The following ZNF600 variants were observed in gnomAD, a reference collection of about 807,000 sequenced individuals.
The protein encoded by ZNF600 is zinc finger protein KR-ZNF1.
Under a neutral mutation model 7.3 loss-of-function variants are expected in ZNF600, and 4 were observed. The observed-to-expected ratio is 0.55, with a 90% CI of 0.27 to 1.25. ZNF600 has a LOEUF of 1.25. Ranked by LOEUF, ZNF600 falls within the 50% of genes most tolerant of loss-of-function variation. The pLI is 0.12. For synonymous variants in ZNF600, 290 were observed against 308.9 expected (o/e 0.94, Z 0.64); for missense variants, 911 against 922.1 (o/e 0.99, Z 0.16).
the ZNF600 span, among the ~76,000 whole-genome samples, chr19:52,831,504 TTTTTTTG>T: frequency 3.3e-5 from 5 of 150,912 alleles, no homozygotes; most frequent in East Asian, 3.9e-4. Flanking sequence ...TGTTTTTTTG[TTTTTTTG>T]TTTTTTTTTG....
the ZNF600 span, among the ~76,000 whole-genome samples, chr19:52,832,072 C>T: frequency 9.7e-6 from 1 of 103,554 alleles, no homozygotes; most frequent in Admixed American, 1.1e-4. Context: ...TATTCATGCA[C>T]ACACATCACA....
the ZNF600 span, among the ~76,000 whole-genome samples, chr19:52,815,750 A>G: frequency 4.8e-5 from 7 of 145,292 alleles, no homozygotes; most frequent in East Asian, 2.0e-4. Context: ...GTGTGAACCC[A>G]GGAGGCGGAG....
the ZNF600 span, among the ~76,000 whole-genome samples, chr19:52,832,023 TTG>T: frequency 0.017 from 2,607 of 152,176 alleles, 28 homozygotes; most frequent in Middle Eastern, 0.031. Context: ...AATGCAAATG[TTG>T]TGTTTTCTAC....
At chr19:52,787,199 C>T (rs971258793), upstream of ZNF600, among the ~76,000 whole-genome samples, 3 of 152,118 alleles carry the variant, frequency 2.0e-5, no homozygotes, top group South Asian at 4.1e-4. Context: ...GGACGGAGAG[C>T]TCAGGCCAGG....
chr19:52,784,395 G>C (rs1273157541), intron 1 of ZNF600, among the ~76,000 whole-genome samples: 1 of 152,164 alleles, frequency 6.6e-6, no homozygotes, highest in Non-Finnish European at 1.5e-5. Flanking sequence ...GACAGAGCCA[G>C]ACCCTGTCTC....
upstream of ZNF600, among the ~76,000 whole-genome samples, chr19:52,787,007 C>G (rs1178014171): frequency 6.6e-6 from 1 of 152,250 alleles, no homozygotes; most frequent in African/African-American, 2.4e-5. Flanking sequence ...TTATCTGGAA[C>G]GGGAATGCAA....
chr19:52,804,605 A>C, the ZNF600 span, among the ~76,000 whole-genome samples: 14 of 152,166 alleles, frequency 9.2e-5, no homozygotes. Context: ...TCGTGACCTC[A>C]AGTGATCAAC....
chr19:52,798,196 C>G, the ZNF600 span: 1 of 157,152 alleles, frequency 6.4e-6, no homozygotes, highest in East Asian at 1.9e-4. Flanking sequence ...AAAGTGGCTC[C>G]CGTCTGTTGG....
exon 4 of ZNF600, chr19:52,767,758 G>A (rs771362371): frequency 5.6e-5 from 88 of 1,567,938 alleles, no homozygotes; most frequent in Admixed American, 7.8e-5. Flanking sequence ...TTCATCATGC[G>A]TTTGGAAGAG....
chr19:52,801,867 C>T, the ZNF600 span, among the ~76,000 whole-genome samples: 3 of 152,006 alleles, frequency 2.0e-5, no homozygotes, highest in South Asian at 2.1e-4. Flanking sequence ...AAATAAAGGG[C>T]GATTATATGT....
the ZNF600 span, among the ~76,000 whole-genome samples, chr19:52,811,033 GC>G: frequency 2.8e-5 from 4 of 140,906 alleles, no homozygotes; most frequent in Non-Finnish European, 6.2e-5. Flanking sequence ...GCGATTGCAG[GC>G]ACGCGCCGCC....
chr19:52,770,768 T>G (rs1600379973), intron 3 of ZNF600, among the ~76,000 whole-genome samples: 2 of 152,210 alleles, frequency 1.3e-5, no homozygotes, highest in Admixed American at 1.3e-4. Context: ...TGGGGTCTTT[T>G]AGAGAATTTG....
At chr19:52,809,821 A>AAGGCAGCGG in the ZNF600 span, 1 of 264,684 alleles carries the variant, frequency 3.8e-6, no homozygotes, top group Non-Finnish European at 8.3e-6. Flanking sequence ...CTGAGCGGCG[A>AAGGCAGCGG]AGGCGGCGGC....
At chr19:52,799,611 T>G in the ZNF600 span, 5 of 1,270,482 alleles carry the variant, frequency 3.9e-6, no homozygotes, top group Admixed American at 6.2e-5. Flanking sequence ...CTTTTAAGGT[T>G]TCTCTCCACT....
intron 2 of ZNF600, among the ~76,000 whole-genome samples, chr19:52,777,363 C>A (rs895200327): frequency 6.6e-6 from 1 of 151,990 alleles, no homozygotes; most frequent in Non-Finnish European, 1.5e-5. Context: ...GGCAACGGAG[C>A]GAGACTCCAT....
chr19:52,777,886 G>A (rs1485104050), intron 2 of ZNF600, among the ~76,000 whole-genome samples: 1 of 152,100 alleles, frequency 6.6e-6, no homozygotes, highest in African/African-American at 2.4e-5. Context: ...GGTGACCCAT[G>A]CCTATCACTC....
chr19:52,767,730 C>G, exon 4 of ZNF600: 1 of 1,594,722 alleles, frequency 6.3e-7, no homozygotes, highest in Non-Finnish European at 8.5e-7. Flanking sequence ...ATTGCCTTGC[C>G]CTGTTGACAA....
chr19:52,815,951 T>TA, the ZNF600 span, among the ~76,000 whole-genome samples: 10 of 146,068 alleles, frequency 6.8e-5, no homozygotes, highest in South Asian at 4.5e-4. Flanking sequence ...AAACGTAAAG[T>TA]AAAAAAAAAT....
the ZNF600 span, chr19:52,800,080 G>A: frequency 4.2e-5 from 68 of 1,613,734 alleles, no homozygotes; most frequent in Middle Eastern, 1.6e-4. Flanking sequence ...GAATCCCTCC[G>A]GAAAGCCTTG....
Sources: allele counts gnomAD v4.1 joint callset (sites outside exome capture counted in the v4.1 genomes callset), GRCh38; gene constraint gnomAD v4.1.1; transcripts MANE v1.5; gene names NCBI Gene and HGNC (gene_info 2026-07-23, HGNC 2026-07-21).